Variants in ZNF644 observed in about 807,000 individuals in gnomAD.
ZNF644 encodes the protein zinc finger protein 644.
Under a neutral mutation model 108.0 loss-of-function variants are expected in ZNF644, and 20 were observed. The observed-to-expected ratio is 0.19, with a 90% CI of 0.13 to 0.27. ZNF644 has a LOEUF of 0.27. Ranked by LOEUF, ZNF644 falls within the 10% of genes least tolerant of loss-of-function variation. The probability of loss-of-function intolerance (pLI) is 1.00; values close to 1 mark genes in which losing one functional copy is unlikely to be tolerated. For missense variants in ZNF644, 1,338 were observed against 1,548.9 expected (o/e 0.86, Z 2.29); for synonymous variants, 542 against 539.1 (o/e 1.01, Z -0.08).
intron 2 of ZNF644, among the ~76,000 whole-genome samples, chr1:90,966,041 G>A (rs1654837356): frequency 6.6e-6 from 1 of 152,006 alleles, no homozygotes; most frequent in South Asian, 2.1e-4. Flanking sequence ...ATGAGCCACC[G>A]CGCCTGGCCC....
chr1:90,982,421 GA>G (rs1557627947), intron 1 of ZNF644, 51 bp from the exon 2 acceptor site: 1 of 1,281,254 alleles, frequency 7.8e-7, no homozygotes, highest in East Asian at 2.3e-5. Flanking sequence ...TTTCAGGCAT[GA>G]ATAACCATAG....
chr1:90,966,460 G>C (rs1654898392), intron 2 of ZNF644, among the ~76,000 whole-genome samples: 1 of 152,036 alleles, frequency 6.6e-6, no homozygotes, highest in Non-Finnish European at 1.5e-5. Context: ...TAAATCTGGG[G>C]AACAGGGGCC....
rs1457951993 is a variant in ZNF644, at chr1:90,987,060, GT to G, written c.-17-4691del. ...GGTTTATGGTAGCAAAAGCTTACAT[GT>G]TTAAAAAAAAAAAAAACCCACAAAT... On this transcript the variant is annotated intron_variant, in intron 1 of 5. Coordinates refer to ENST00000337393, the MANE Select transcript of ZNF644 (RefSeq NM_201269.3). Among the ~76,000 whole-genome samples, 35 of 143,836 alleles carry G rather than the reference GT, an allele frequency of 2.4e-4. 1 individual carries two copies. The highest frequency in any genetic ancestry group is 7.2e-3 in the Middle Eastern group (2 of 276). The allele number at this position is 143,836 out of a possible 152,430, so 94.4% of individuals were successfully genotyped here. A position where few individuals can be genotyped will look rare whatever the true frequency, so the allele number is the denominator to read the frequency against.
At chr1:90,994,240 G>A (rs1657909924) in intron 1 of ZNF644, among the ~76,000 whole-genome samples, 1 of 152,138 alleles carries the variant, frequency 6.6e-6, no homozygotes, top group South Asian at 2.1e-4. Context: ...AAATTACTAT[G>A]GAAGAAATCC....
At chr1:91,011,424 ATTT>A (rs1264978089) in intron 1 of ZNF644, among the ~76,000 whole-genome samples, 2 of 152,194 alleles carry the variant, frequency 1.3e-5, no homozygotes, top group Non-Finnish European at 2.9e-5. Context: ...GTGAAGATAT[ATTT>A]TTTATTATAT....
rs554691380 is a variant in ZNF644, at chr1:90,917,107, T to TA, written c.3792-118dup. The TA allele has an allele frequency of 1.2e-4, 115 of 994,500 alleles. No homozygotes were observed. In the African/African-American group the frequency reaches 1.7e-3, roughly 15 times the overall value. 61.6% of individuals were successfully genotyped at this position (994,500 alleles called of 1,614,324 possible). A position where few individuals can be genotyped will look rare whatever the true frequency, so the allele number is the denominator to read the frequency against. The stretch of plus-strand genomic sequence containing the variant: ...ATCATATTTTAAAGACAGCAATTGA[T>TA]AAAGTTTCTAAAGTCAAATGATTTA... On this transcript the variant is annotated intron_variant, in intron 5 of 5. Coordinates refer to ENST00000337393, the MANE Select transcript of ZNF644 (RefSeq NM_201269.3).
chr1:90,992,389 T>C (rs1657730253), intron 1 of ZNF644, among the ~76,000 whole-genome samples: 1 of 150,674 alleles, frequency 6.6e-6, no homozygotes, highest in Non-Finnish European at 1.5e-5. Flanking sequence ...AAAAAAATCA[T>C]TTATAACCAA....
intron 1 of ZNF644, chr1:91,020,681 A>C (rs1190782934): frequency 6.6e-6 from 1 of 152,174 alleles, no homozygotes; most frequent in Non-Finnish European, 1.5e-5. Flanking sequence ...TCTTTGAGAA[A>C]CTTTAGTTGT....
intron 2 of ZNF644, among the ~76,000 whole-genome samples, chr1:90,955,906 A>G (rs1461624110): frequency 6.6e-6 from 1 of 152,194 alleles, no homozygotes; most frequent in African/African-American, 2.4e-5. Context: ...GGCCTGTCTC[A>G]TCTTGTATAA....
chr1:91,007,493 C>T (rs955832471), intron 1 of ZNF644, among the ~76,000 whole-genome samples: 47 of 151,862 alleles, frequency 3.1e-4, no homozygotes, highest in Admixed American at 2.8e-3. Context: ...GGATTACAGG[C>T]GTGAGCCACT....
chr1:90,943,737 C>T (rs747571750), intron 2 of ZNF644, among the ~76,000 whole-genome samples: 16 of 152,162 alleles, frequency 1.1e-4, no homozygotes, highest in Non-Finnish European at 1.9e-4. Context: ...CATCACCCAG[C>T]AGGAGTCTCT....
At chr1:90,962,246 T>C (rs1040395267) in intron 2 of ZNF644, among the ~76,000 whole-genome samples, 4 of 151,944 alleles carry the variant, frequency 2.6e-5, no homozygotes, top group Non-Finnish European at 5.9e-5. Context: ...AAAGACATTA[T>C]TATTATTATT....
chr1:90,919,927 T>C (rs548649660), intron 4 of ZNF644, among the ~76,000 whole-genome samples: 2 of 152,210 alleles, frequency 1.3e-5, no homozygotes, highest in South Asian at 4.1e-4. Context: ...TACTTCATTA[T>C]CCTAGATATA....
chr1:90,932,713 T>C (rs1054775178), intron 4 of ZNF644, among the ~76,000 whole-genome samples: 2 of 152,138 alleles, frequency 1.3e-5, no homozygotes, highest in African/African-American at 4.8e-5. Flanking sequence ...AAAAAAAACT[T>C]CTTAGTTGGC....
At chr1:90,959,679 C>T (rs1654125313) in intron 2 of ZNF644, among the ~76,000 whole-genome samples, 1 of 151,934 alleles carries the variant, frequency 6.6e-6, no homozygotes, top group Non-Finnish European at 1.5e-5. Flanking sequence ...TATATAGAGA[C>T]AGAAAGTAAA....
intron 4 of ZNF644, among the ~76,000 whole-genome samples, chr1:90,935,182 A>AT (rs899269485): frequency 6.6e-6 from 1 of 152,108 alleles, no homozygotes. Flanking sequence ...TCTTGGGTTA[A>AT]TTTTTTTTCC....
chr1:90,918,918 T>C (rs1220595234), intron 4 of ZNF644, among the ~76,000 whole-genome samples: 1 of 152,102 alleles, frequency 6.6e-6, no homozygotes, highest in East Asian at 1.9e-4. Context: ...CTAACTATTC[T>C]TTACATATTT....
chr1:91,016,404 C>T (rs1570594513), intron 1 of ZNF644, among the ~76,000 whole-genome samples: 2 of 152,184 alleles, frequency 1.3e-5, no homozygotes, highest in East Asian at 3.8e-4. Context: ...CACACCTAGG[C>T]TACTTGGTAT....
chr1:90,969,140 A>G (rs1456249288), intron 2 of ZNF644, among the ~76,000 whole-genome samples: 1 of 152,208 alleles, frequency 6.6e-6, no homozygotes, highest in African/African-American at 2.4e-5. Context: ...GCCCTAGTAC[A>G]AAGTTAAAAT....
Sources: gnomAD v4.1 joint callset for allele counts (sites outside exome capture counted in the v4.1 genomes callset) on GRCh38, gnomAD v4.1.1 for gene constraint, MANE v1.5 for transcripts, NCBI Gene and HGNC (gene_info 2026-07-23, HGNC 2026-07-21) for gene names.